The following BMS1 variants were observed in gnomAD, a reference collection of about 807,000 sequenced individuals.
The protein encoded by BMS1 is ribosome biogenesis protein BMS1 homolog.
A neutral mutation model predicts 138.7 loss-of-function variants in BMS1; 53 were observed. That is an observed-to-expected ratio of 0.38 (90% confidence interval 0.31 to 0.48). The LOEUF (loss-of-function observed/expected upper bound fraction) is 0.48, where lower values mean the gene tolerates loss of function less well. BMS1 is among the 20% of genes least tolerant of loss of function. The probability of loss-of-function intolerance (pLI) is 0.97; values close to 1 mark genes in which losing one functional copy is unlikely to be tolerated. For missense variants in BMS1, 1,360 were observed against 1,565.5 expected, an observed-to-expected ratio of 0.87 and a Z score of 2.22; for synonymous variants, 504 against 539.9, an observed-to-expected ratio of 0.93 and a Z score of 0.92.
chr10:42,816,272 T>C lies in BMS1; in HGVS notation c.2330-327T>C, dbSNP rs1166712912. On this transcript the variant is annotated intron_variant, in intron 13 of 22. Coordinates refer to ENST00000374518, the MANE Select transcript of BMS1 (RefSeq NM_014753.4). ...TGAGATCATGCCACTGCACTCCAGC[T>C]TGGGTGACAGAGTGAGACTCTGTCT... Among the ~76,000 whole-genome samples the C allele has an allele frequency of 8.5e-5, 13 of 152,086 alleles. No individual in the cohort carries two copies. The East Asian group carries it at 2.5e-3, about 29-fold the overall frequency.
At position 42,785,735 on chromosome 10, in the gene BMS1, C is replaced by A. The variant is rs576292666; in HGVS notation, c.367+63C>A. ...TGTTGTCATCTGAGGGACATGCATGCGTTTGTTGTTTTCTTGAGTGGAACA... is the reference window on the plus strand; with the variant it reads ...TGTTGTCATCTGAGGGACATGCATGAGTTTGTTGTTTTCTTGAGTGGAACA... On this transcript the variant is annotated intron_variant, in intron 3 of 22. Coordinates refer to ENST00000374518, the MANE Select transcript of BMS1 (RefSeq NM_014753.4). The A allele has an allele frequency of 7.2e-6, 11 of 1,528,756 alleles. No individual in the cohort carries two copies. The African/African-American group carries it at 1.2e-4, about 17-fold the overall frequency. 94.7% of individuals were successfully genotyped at this position (1,528,756 alleles called of 1,614,324 possible).
At chr10:42,783,017 C>A (rs1411994569) in intron 1 of BMS1, among the ~76,000 whole-genome samples, 187 bp downstream of exon 1, 1 of 151,970 alleles carries the variant, frequency 6.6e-6, no homozygotes, top group Admixed American at 6.6e-5. Context: ...CGTGATGAAT[C>A]CCTGCAGAGA....
Position 42,830,895 on chromosome 10 carries a change from G to A in BMS1, c.3648G>A (p.Thr1216=), listed in dbSNP as rs766189983. The A allele has an allele frequency of 2.0e-5, 32 of 1,611,896 alleles. No individual in the cohort carries two copies. The highest frequency in any genetic ancestry group is 3.3e-5 in the South Asian group (3 of 90,570). ...KILALLDALS[T]VHSQKMKKAK... ...TTGCACTGCTGGATGCTCTGAGTAC[G>A]GTGCATAGTCAGAAGATGAAGAAGG... The change falls in exon 23 of 23, where the codon ACG becomes ACA. Residue 1216 remains threonine, a synonymous_variant. Transcript: ENST00000374518.
chr10:42,813,406 G>T (rs1354587602), intron 13 of BMS1, among the ~76,000 whole-genome samples: 1 of 151,980 alleles, frequency 6.6e-6, no homozygotes, highest in African/African-American at 2.4e-5. Flanking sequence ...GTATCTCTTT[G>T]TATAGTCTTG....
At chr10:42,794,942 T>C (rs1156934173) in intron 9 of BMS1, among the ~76,000 whole-genome samples, 2 of 151,468 alleles carry the variant, frequency 1.3e-5, no homozygotes, top group Admixed American at 1.3e-4. Flanking sequence ...GTCCCCAGAG[T>C]GTGATGTTCC....
In BMS1 at chr10:42,831,197, CAA is replaced by C; in HGVS notation, c.*102_*103del. The C allele has an allele frequency of 8.3e-7, 1 of 1,208,244 alleles. No individual in the cohort carries two copies. The allele number at this position is 1,208,244 out of a possible 1,614,324, so 74.8% of individuals were successfully genotyped here. On this transcript the variant is annotated 3_prime_UTR_variant, in exon 23 of 23. Coordinates refer to ENST00000374518, the MANE Select transcript of BMS1 (RefSeq NM_014753.4). Reference sequence around the variant, plus strand: ...AATGACAAGTCAGTGGGAAAGAGCTCAAGAGATGTCTCTACTCAAACTGTGCC... The same window carrying C: ...AATGACAAGTCAGTGGGAAAGAGCTCGAGATGTCTCTACTCAAACTGTGCC...
rs983724108 is a variant in BMS1, at chr10:42,792,956, G to C, written c.902-1G>C. ...GCTGGCTTTTGGGTTCTGTCTTCCA[G>C]GGGTAGGAGATTTTGCCGTGAGTGA... On this transcript the variant is annotated splice_acceptor_variant, in intron 7 of 22. Coordinates refer to ENST00000374518, the MANE Select transcript of BMS1 (RefSeq NM_014753.4). LOFTEE classifies it high-confidence loss of function. 6.2e-7 allele frequency: 1 copy of C among 1,608,856 alleles called. No individual in the cohort carries two copies. Among genetic ancestry groups the C allele is most frequent in the African/African-American group, 1.3e-5 (1 of 74,524 alleles).
At chr10:42,827,765 T>C (rs1803504851) in intron 21 of BMS1, among the ~76,000 whole-genome samples, 1 of 152,102 alleles carries the variant, frequency 6.6e-6, no homozygotes, top group Non-Finnish European at 1.5e-5. Flanking sequence ...GGGCTCTCCT[T>C]TAGTGACTTT....
intron 15 of BMS1, 142 bp downstream of exon 15, chr10:42,817,636 A>T: frequency 2.6e-6 from 2 of 759,462 alleles, no homozygotes; most frequent in Non-Finnish European, 4.0e-6. Flanking sequence ...CTGGGTAGAG[A>T]TGCATGTGAG....
At chr10:42,827,553 C>A (rs1010654629) in intron 21 of BMS1, among the ~76,000 whole-genome samples, 1 of 152,286 alleles carries the variant, frequency 6.6e-6, no homozygotes, top group East Asian at 1.9e-4. Flanking sequence ...TGGGGCACAA[C>A]GTCAGTTCCT....
At chr10:42,785,779 C>T (rs543795704) in intron 3 of BMS1, 107 bp downstream of exon 3, 1 of 1,252,170 alleles carries the variant, frequency 8.0e-7, no homozygotes, top group South Asian at 1.4e-5. Context: ...ATTGTCATAT[C>T]ATGGGACTTC....
intron 18 of BMS1, among the ~76,000 whole-genome samples, chr10:42,821,826 T>G (rs1289907281): frequency 6.6e-6 from 1 of 152,208 alleles, no homozygotes; most frequent in Non-Finnish European, 1.5e-5. Flanking sequence ...GTGCTGGGAT[T>G]ACAGGTATGA....
chr10:42,820,442 A>G lies in BMS1; in HGVS notation c.2769+18A>G, dbSNP rs766529331. On this transcript the variant is annotated intron_variant, in intron 16 of 22. Coordinates refer to ENST00000374518, the MANE Select transcript of BMS1 (RefSeq NM_014753.4). ...ACGTGCAGGTGGGTCCCTTTGCTAC[A>G]TATTTGGTGCCTGAGGCTCTGTGGA... The G allele has an allele frequency of 4.3e-6, 7 of 1,612,666 alleles. No homozygotes were observed. The highest frequency in any genetic ancestry group is 5.1e-6 in the Non-Finnish European group (6 of 1,179,464).
Position 42,797,408 on chromosome 10 carries a change from A to G in BMS1, c.1988-14A>G, listed in dbSNP as rs1841723761. 2 of 1,613,772 alleles carry G rather than the reference A, an allele frequency of 1.2e-6. No individual in the cohort carries two copies. Among genetic ancestry groups the G allele is most frequent in the African/African-American group, 1.3e-5 (1 of 74,936 alleles). On this transcript the variant is annotated splice_polypyrimidine_tract_variant and intron_variant, in intron 10 of 22. Coordinates refer to ENST00000374518, the MANE Select transcript of BMS1 (RefSeq NM_014753.4). ...TGAATAAGCCTAACTGGAGGTTGGCATTGGTCGTTTCAGGTGCCCTCAAGT... is the reference window on the plus strand; with the variant it reads ...TGAATAAGCCTAACTGGAGGTTGGCGTTGGTCGTTTCAGGTGCCCTCAAGT...
At position 42,823,226 on chromosome 10, in the gene BMS1, G is replaced by C. The variant is rs763809417; in HGVS notation, c.3241G>C (p.Ala1081Pro). The C allele has an allele frequency of 2.5e-6, 4 of 1,602,294 alleles. No individual in the cohort carries two copies. The South Asian group carries it at 4.5e-5, about 18-fold the overall frequency. ...GAAAGCACTCCGAGCTCCAGAAGGAGCTTTCAGGGCCAGCTTTGAGGATAA... is the reference window on the plus strand; with the variant it reads ...GAAAGCACTCCGAGCTCCAGAAGGACCTTTCAGGGCCAGCTTTGAGGATAA... ...IKKALRAPEG[A>P]FRASFEDKLL... The change falls in exon 20 of 23, where the codon GCT becomes CCT. Residue 1081 changes from alanine (A) to proline (P), a missense_variant. Ala to Pro is a conservative substitution (Grantham distance 27). Coordinates refer to ENST00000374518, the MANE Select transcript of BMS1 (RefSeq NM_014753.4).
chr10:42,825,500 A>G (rs2132389892), intron 21 of BMS1, among the ~76,000 whole-genome samples: 1 of 150,578 alleles, frequency 6.6e-6, no homozygotes, highest in East Asian at 1.9e-4. Context: ...TCAAGTGTAC[A>G]CATCTCTCAC....
At chr10:42,821,688 G>T (rs1168613709) in intron 18 of BMS1, among the ~76,000 whole-genome samples, 1 of 151,546 alleles carries the variant, frequency 6.6e-6, no homozygotes, top group African/African-American at 2.4e-5. Flanking sequence ...GAGTAGCTGG[G>T]ATTACAGGTG....
chr10:42,786,929 G>A (rs1279123297), intron 3 of BMS1, among the ~76,000 whole-genome samples: 2 of 152,048 alleles, frequency 1.3e-5, no homozygotes, highest in African/African-American at 4.8e-5. Context: ...CCCTTTTTGA[G>A]CACTTTTATT....
rs756899851 is a variant in BMS1, at chr10:42,797,057, G to A, written c.1813G>A (p.Glu605Lys). 6.2e-7 allele frequency: 1 copy of A among 1,614,206 alleles called. No homozygotes were observed. The highest frequency in any genetic ancestry group is 1.1e-5 in the South Asian group (1 of 91,084). Residue 605 changes from glutamate (E) to lysine (K), a missense_variant, in exon 10 of 23, where the codon GAA becomes AAA. Physicochemically the swap from Glu to Lys is moderately conservative, Grantham distance 56. Coordinates refer to ENST00000374518, the MANE Select transcript of BMS1 (RefSeq NM_014753.4). ...EESSSLSAEE[E>K]DSENEEAIRK... ...AAGCTCCTCACTCAGTGCAGAGGAA[G>A]AAGACTCAGAAAATGAAGAGGCTAT...
Sources: gnomAD v4.1 joint callset for allele counts (sites outside exome capture counted in the v4.1 genomes callset) on GRCh38, gnomAD v4.1.1 for gene constraint, MANE v1.5 for transcripts, NCBI Gene and HGNC (gene_info 2026-07-23, HGNC 2026-07-21) for gene names.